Variants in SLIT2 observed in about 807,000 individuals in gnomAD.
The protein encoded by SLIT2 is slit guidance ligand 2, also known as slit homolog 2 protein.
A neutral mutation model predicts 185.7 loss-of-function variants in SLIT2; 41 were observed. The observed-to-expected ratio is 0.22, with a 90% CI of 0.17 to 0.29. The LOEUF (loss-of-function observed/expected upper bound fraction) is 0.29, where lower values mean the gene tolerates loss of function less well. SLIT2 is among the 10% of genes least tolerant of loss of function. SLIT2 has a pLI of 1.00. For synonymous variants in SLIT2, 693 were observed against 680.2 expected, an observed-to-expected ratio of 1.02 and a Z score of -0.29; for missense variants, 1,571 against 1,909.0, an observed-to-expected ratio of 0.82 and a Z score of 3.30.
intron 4 of SLIT2, among the ~76,000 whole-genome samples, chr4:20,428,119 C>A (rs955619497): frequency 6.6e-6 from 1 of 152,200 alleles, no homozygotes; most frequent in Non-Finnish European, 1.5e-5. Flanking sequence ...CTCTTAATGT[C>A]ATGTGTTTGA....
At chr4:20,325,382 A>G (rs1307637681) in intron 4 of SLIT2, among the ~76,000 whole-genome samples, 1 of 118,084 alleles carries the variant, frequency 8.5e-6, no homozygotes, top group East Asian at 3.0e-4. Context: ...ATGCAAACTC[A>G]CCACAACATG....
chr4:20,300,983 T>C (rs1716987120), intron 4 of SLIT2, among the ~76,000 whole-genome samples: 1 of 152,092 alleles, frequency 6.6e-6, no homozygotes, highest in Non-Finnish European at 1.5e-5. Flanking sequence ...TGTGTTACCT[T>C]AACATATAGT....
At chr4:20,281,659 T>G (rs1444904610) in intron 4 of SLIT2, among the ~76,000 whole-genome samples, 1 of 152,198 alleles carries the variant, frequency 6.6e-6, no homozygotes, top group Non-Finnish European at 1.5e-5. Flanking sequence ...GTGACCACCC[T>G]GGATTCTTCT....
Position 20,495,015 on chromosome 4 carries a change from C to T in SLIT2, c.914+3116C>T, listed in dbSNP as rs147585235. Among the ~76,000 whole-genome samples, 449 of 152,162 alleles carry T rather than the reference C, an allele frequency of 3.0e-3. 1 individual carries two copies. The highest frequency in any genetic ancestry group is 0.01 in the African/African-American group (422 of 41,526). ...AGAGACTTCTAGGAAAAATGATCTCCGGAGGCAAATACTGCTGCCAGTTAA... is the reference window on the plus strand; with the variant it reads ...AGAGACTTCTAGGAAAAATGATCTCTGGAGGCAAATACTGCTGCCAGTTAA... On this transcript the variant is annotated intron_variant, in intron 9 of 36. Coordinates refer to ENST00000504154, the MANE Select transcript of SLIT2 (RefSeq NM_004787.4).
At chr4:20,286,927 G>A (rs1715327141) in intron 4 of SLIT2, among the ~76,000 whole-genome samples, 1 of 152,144 alleles carries the variant, frequency 6.6e-6, no homozygotes, top group African/African-American at 2.4e-5. Context: ...TGATAAATAT[G>A]TATCACCATC....
rs557233601 is a variant in SLIT2, at chr4:20,299,424, G to A, written c.395+30543G>A. ...ACAGTTCGTTCAAAGGAGGACATGT[G>A]TTTTGTCAACGAGGAAAGAAATCAA... On this transcript the variant is annotated intron_variant, in intron 4 of 36. Coordinates refer to ENST00000504154, the MANE Select transcript of SLIT2 (RefSeq NM_004787.4). 5.3e-5 allele frequency among the ~76,000 whole-genome samples: 8 copies of A among 152,210 alleles called. No homozygotes were observed. In the East Asian group the frequency reaches 1.5e-3, roughly 29 times the overall value.
intron 4 of SLIT2, among the ~76,000 whole-genome samples, chr4:20,348,068 C>T (rs769765623): frequency 7.9e-5 from 12 of 152,134 alleles, no homozygotes; most frequent in Admixed American, 3.9e-4. Flanking sequence ...GTACCAACAC[C>T]GTACCAGTGG....
intron 4 of SLIT2, among the ~76,000 whole-genome samples, chr4:20,273,766 T>G (rs1713878421): frequency 6.6e-6 from 1 of 152,200 alleles, no homozygotes; most frequent in Non-Finnish European, 1.5e-5. Flanking sequence ...GAGTCAACCA[T>G]GAAAGCAGGA....
At chr4:20,561,690 T>C (rs1467157672) in intron 26 of SLIT2, among the ~76,000 whole-genome samples, 1 of 151,718 alleles carries the variant, frequency 6.6e-6, no homozygotes, top group Admixed American at 6.6e-5. Flanking sequence ...TTAGTATTAC[T>C]AGTACATAGT....
chr4:20,429,370 CTTTTCTAACGGTAAA>C (rs925959814), intron 4 of SLIT2, among the ~76,000 whole-genome samples: 1 of 152,024 alleles, frequency 6.6e-6, no homozygotes, highest in Non-Finnish European at 1.5e-5. Flanking sequence ...AAGACACTGT[CTTTTCTAACGGTAAA>C]TTTAGTTCAT....
At chr4:20,449,880 A>G (rs982017712) in intron 4 of SLIT2, among the ~76,000 whole-genome samples, 2 of 152,190 alleles carry the variant, frequency 1.3e-5, no homozygotes, top group Non-Finnish European at 1.5e-5. Context: ...TGTTGAAACT[A>G]TTCGATTTAT....
intron 34 of SLIT2, among the ~76,000 whole-genome samples, chr4:20,610,705 A>C (rs543189304): frequency 1.8e-4 from 27 of 152,266 alleles, no homozygotes; most frequent in South Asian, 4.1e-4. Flanking sequence ...GACTGACTGA[A>C]TGAATGAATG....
intron 4 of SLIT2, among the ~76,000 whole-genome samples, chr4:20,454,526 C>T (rs933162845): frequency 2.6e-5 from 4 of 152,088 alleles, no homozygotes; most frequent in Admixed American, 2.6e-4. Flanking sequence ...ACTCATTTAT[C>T]ATTACTCAGT....
intron 4 of SLIT2, among the ~76,000 whole-genome samples, chr4:20,308,635 G>C (rs1171398831): frequency 6.6e-6 from 1 of 152,050 alleles, no homozygotes; most frequent in Non-Finnish European, 1.5e-5. Context: ...CTCTTGGTGG[G>C]ATTAGAGAAG....
intron 22 of SLIT2, among the ~76,000 whole-genome samples, chr4:20,548,026 C>G (rs1351059276): frequency 6.6e-6 from 1 of 151,992 alleles, no homozygotes; most frequent in Admixed American, 6.6e-5. Context: ...TATCAGTGAA[C>G]ATATGTATCA....
At chr4:20,388,980 A>C (rs1725190256) in intron 4 of SLIT2, among the ~76,000 whole-genome samples, 1 of 147,780 alleles carries the variant, frequency 6.8e-6, no homozygotes, top group African/African-American at 2.5e-5. Context: ...GTCAAAATAT[A>C]TATATGTATA....
intron 5 of SLIT2, among the ~76,000 whole-genome samples, chr4:20,477,184 G>A (rs1449212096): frequency 3.4e-5 from 5 of 149,066 alleles, no homozygotes; most frequent in Non-Finnish European, 1.5e-5. Flanking sequence ...TGTTAATACC[G>A]AGAGATCATG....
chr4:20,549,113 A>C lies in SLIT2; in HGVS notation c.2474A>C (p.Lys825Thr). The change falls in exon 24 of 37, where the codon AAG becomes ACG. Residue 825 changes from lysine (K) to threonine (T), a missense_variant. Lys to Thr is a moderately conservative substitution (Grantham distance 78). This residue lies in a region of SLIT2 where 1,202 missense variants were observed against 1,416.4 expected (regional missense o/e 0.85). Coordinates refer to ENST00000504154, the MANE Select transcript of SLIT2 (RefSeq NM_004787.4). ...CIPPRTFDGL[K>T]SLRLLSLHGN... ...CCTCCTCGCACCTTTGATGGATTAAAGTCTCTTCGATTACTGTAAGCATCT... is the reference window on the plus strand; with the variant it reads ...CCTCCTCGCACCTTTGATGGATTAACGTCTCTTCGATTACTGTAAGCATCT... 6.3e-7 allele frequency: 1 copy of C among 1,588,984 alleles called. No individual in the cohort carries two copies. Among genetic ancestry groups the C allele is most frequent in the Non-Finnish European group, 8.6e-7 (1 of 1,157,744 alleles).
chr4:20,350,179 G>A (rs1721747515), intron 4 of SLIT2, among the ~76,000 whole-genome samples: 1 of 151,980 alleles, frequency 6.6e-6, no homozygotes. Context: ...CCATCTGTGG[G>A]ATAGCTCAAT....
Sources: allele counts gnomAD v4.1 joint callset (sites outside exome capture counted in the v4.1 genomes callset), GRCh38; gene constraint gnomAD v4.1.1; regional missense constraint gnomAD v4.1.1; transcripts MANE v1.5; gene names NCBI Gene and HGNC (gene_info 2026-07-23, HGNC 2026-07-21).